Variants in DPP6 observed in about 807,000 individuals in gnomAD.
The protein encoded by DPP6 is dipeptidyl peptidase like 6, also known as A-type potassium channel modulatory protein DPP6.
In DPP6, 69 loss-of-function variants were observed where a neutral mutation model predicts 122.6. The ratio of observed to expected loss-of-function variants is 0.56; its 90% confidence interval spans 0.46 to 0.69. The LOEUF (loss-of-function observed/expected upper bound fraction) is 0.69. Ranked by LOEUF, DPP6 falls within the 30% of genes least tolerant of loss-of-function variation. The pLI, the probability that DPP6 is intolerant of heterozygous loss-of-function variation, is 0.00. For synonymous variants in DPP6, 418 were observed against 433.1 expected, an observed-to-expected ratio of 0.97 and a Z score of 0.43; for missense variants, 928 against 1,116.9, an observed-to-expected ratio of 0.83 and a Z score of 2.41.
chr7:154,851,886 C>G (rs1397318029), intron 16 of DPP6, among the ~76,000 whole-genome samples: 1 of 152,180 alleles, frequency 6.6e-6, no homozygotes, highest in Non-Finnish European at 1.5e-5. Flanking sequence ...GGGCCCTGGA[C>G]TCCTGGACTT....
chr7:154,029,379 C>T (rs1355970313), intron 1 of DPP6, among the ~76,000 whole-genome samples: 110 of 150,674 alleles, frequency 7.3e-4, no homozygotes, highest in East Asian at 7.0e-3. Flanking sequence ...TAGCTGGGCG[C>T]GGTGGCGGGC....
intron 6 of DPP6, among the ~76,000 whole-genome samples, chr7:154,640,045 A>C (rs1191346261): frequency 1.3e-5 from 2 of 152,198 alleles, no homozygotes; most frequent in African/African-American, 4.8e-5. Flanking sequence ...TGAGGTCAGG[A>C]GTTTGAGACC....
intron 1 of DPP6, among the ~76,000 whole-genome samples, chr7:154,060,887 A>AC (rs1255274426): frequency 3.7e-5 from 5 of 135,988 alleles, no homozygotes; most frequent in Admixed American, 7.3e-5. Flanking sequence ...GTGGGGAGGC[A>AC]CCCCCCACGA....
intron 16 of DPP6, among the ~76,000 whole-genome samples, chr7:154,834,319 A>AAAG (rs1226640965): frequency 1.3e-5 from 2 of 151,290 alleles, no homozygotes; most frequent in Non-Finnish European, 3.0e-5. Context: ...TACAAAAAAA[A>AAAG]AAAAAAATTA....
chr7:154,426,620 T>A (rs1157090888), intron 1 of DPP6, among the ~76,000 whole-genome samples: 1 of 152,182 alleles, frequency 6.6e-6, no homozygotes, highest in East Asian at 1.9e-4. Flanking sequence ...GGTTCCCATA[T>A]CGGTGAGACA....
At chr7:154,448,086 GAAAAAC>G (rs142299881) in intron 2 of DPP6, among the ~76,000 whole-genome samples, 5,054 of 151,994 alleles carry the variant, frequency 0.033, 265 homozygotes, top group African/African-American at 0.11. Context: ...TATTAGGTAG[GAAAAAC>G]AAAAACAAAA....
chr7:154,813,584 C>T (rs1799211301), intron 16 of DPP6, among the ~76,000 whole-genome samples: 1 of 152,062 alleles, frequency 6.6e-6, no homozygotes, highest in Admixed American at 6.6e-5. Context: ...CAGATGACCC[C>T]TGGATACTTG....
intron 2 of DPP6, among the ~76,000 whole-genome samples, chr7:154,451,031 A>G (rs1820315562): frequency 6.6e-6 from 1 of 152,060 alleles, no homozygotes; most frequent in South Asian, 2.1e-4. Flanking sequence ...GTGAACTTTC[A>G]TGTCACCCCG....
chr7:154,538,812 G>A (rs912561775), intron 3 of DPP6, among the ~76,000 whole-genome samples: 1 of 152,214 alleles, frequency 6.6e-6, no homozygotes, highest in African/African-American at 2.4e-5. Context: ...TTCAATAGAT[G>A]CACCTTGGTG....
At chr7:153,796,788 C>T in the DPP6 span, among the ~76,000 whole-genome samples, 4 of 152,146 alleles carry the variant, frequency 2.6e-5, no homozygotes, top group South Asian at 2.1e-4. Flanking sequence ...GGCAGTACTC[C>T]GTGTATATCA....
intron 1 of DPP6, chr7:154,058,416 C>T (rs115171205): frequency 0.23 from 29,588 of 128,512 alleles, 3,922 homozygotes; most frequent in East Asian, 0.37. Flanking sequence ...GGCAACCCCG[C>T]GAGGGTGGGG....
intron 1 of DPP6, among the ~76,000 whole-genome samples, chr7:154,373,524 C>T (rs1271446800): frequency 1.3e-5 from 2 of 152,170 alleles, no homozygotes; most frequent in African/African-American, 4.8e-5. Context: ...ACAATTTGCA[C>T]TAAATGCAGA....
chr7:154,648,843 C>A (rs894165590), intron 6 of DPP6, among the ~76,000 whole-genome samples: 8 of 151,688 alleles, frequency 5.3e-5, no homozygotes, highest in Non-Finnish European at 1.0e-4. Context: ...CATTTGAACC[C>A]AGGAGGCAGA....
chr7:153,788,735 G>A, the DPP6 span, among the ~76,000 whole-genome samples: 6 of 152,138 alleles, frequency 3.9e-5, no homozygotes, highest in African/African-American at 7.2e-5. Flanking sequence ...AGGCCAAGGC[G>A]GATGGATCAC....
Position 154,030,191 on chromosome 7 carries a change from G to A in DPP6, c.51+142457G>A, listed in dbSNP as rs542309595. Among the ~76,000 whole-genome samples the A allele has an allele frequency of 8.5e-5, 13 of 152,298 alleles. No individual in the cohort carries two copies. The South Asian group carries it at 2.5e-3, about 29-fold the overall frequency. Reference sequence around the variant, plus strand: ...AGCCTGAGTGACAGAGCAAGACCCTGTCTAAAAGAAATTAAATAAGTAGCA... The same window carrying A: ...AGCCTGAGTGACAGAGCAAGACCCTATCTAAAAGAAATTAAATAAGTAGCA... On this transcript the variant is annotated intron_variant, in intron 1 of 25. Coordinates refer to the DPP6 transcript ENST00000404039.
rs1338971804 is a variant in DPP6 at position 153,901,175 on chromosome 7, T to G, written c.51+13441T>G. 9.9e-5 allele frequency among the ~76,000 whole-genome samples: 15 copies of G among 152,212 alleles called. 1 individual carries two copies. Among genetic ancestry groups the G allele is most frequent in the Non-Finnish European group, 1.6e-4 (11 of 68,032 alleles). On this transcript the variant is annotated intron_variant, in intron 1 of 25. Transcript: ENST00000404039. ...AATGCTAAAATGCTCTTATGCAAAT[T>G]TTAAAATTCCCTAGTACATTAACAA...
the DPP6 span, among the ~76,000 whole-genome samples, chr7:153,759,725 G>A: frequency 6.6e-6 from 1 of 152,036 alleles, no homozygotes; most frequent in Non-Finnish European, 1.5e-5. Flanking sequence ...ATATTAACTC[G>A]AAATGGATCA....
intron 17 of DPP6, among the ~76,000 whole-genome samples, chr7:154,862,867 C>T (rs1252229448): frequency 3.9e-5 from 6 of 152,206 alleles, no homozygotes; most frequent in African/African-American, 1.4e-4. Flanking sequence ...AATAGTTGCC[C>T]AAACTGTGTC....
At chr7:153,980,524 G>T (rs148994645) in intron 1 of DPP6, among the ~76,000 whole-genome samples, 1,737 of 151,914 alleles carry the variant, frequency 0.011, 33 homozygotes, top group African/African-American at 0.039. Flanking sequence ...ATTTTTGAAG[G>T]GTTTTTTGTG....
Sources: gnomAD v4.1 joint callset for allele counts (sites outside exome capture counted in the v4.1 genomes callset) on GRCh38, gnomAD v4.1.1 for gene constraint, MANE v1.5 for transcripts, NCBI Gene and HGNC (gene_info 2026-07-23, HGNC 2026-07-21) for gene names.